KIZ: variants seen among roughly 807,000 people sequenced by gnomAD.
KIZ encodes the protein centrosomal protein kizuna.
KIZ carries 68 observed loss-of-function variants against 79.6 expected under a neutral mutation model. The ratio of observed to expected loss-of-function variants is 0.85; its 90% CI spans 0.70 to 1.05. KIZ has a LOEUF of 1.05. Among genes scored for constraint, KIZ ranks in the 50% least tolerant of loss-of-function variants. KIZ has a pLI of 0.00. For synonymous variants in KIZ, 280 were observed against 281.8 expected (o/e 0.99, Z 0.06); for missense variants, 797 against 800.4 (o/e 1.00, Z 0.05).
At chr20:21,143,012 A>G (rs887256566) in intron 3 of KIZ, among the ~76,000 whole-genome samples, 7 of 152,156 alleles carry the variant, frequency 4.6e-5, no homozygotes, top group Non-Finnish European at 7.3e-5. Context: ...TTTATCAACC[A>G]AAGTGTCTTG....
At chr20:21,238,330 G>GGT (rs11087348) in intron 11 of KIZ, among the ~76,000 whole-genome samples, 87,714 of 150,038 alleles carry the variant, frequency 0.58, 26,776 homozygotes, top group South Asian at 0.78. Context: ...TCTGCATAAG[G>GGT]GTGTGAGAGA....
At chr20:21,165,355 A>G (rs1040683167) in intron 6 of KIZ, among the ~76,000 whole-genome samples, 1 of 148,034 alleles carries the variant, frequency 6.8e-6, no homozygotes, top group Non-Finnish European at 1.5e-5. Flanking sequence ...CAGAGAACAC[A>G]GAGGACATGG....
At position 21,162,986 on chromosome 20, in the gene KIZ, A is replaced by G; in HGVS notation, c.1179A>G (p.Glu393=). ...ATGATCTGATTTTAGAGAGCCCAGA[A>G]CCACAGCCAAATCCAGGTGGCAAGA... ...SEDDLILESP[E]PQPNPGGKME... Residue 393 remains glutamate (E), a synonymous_variant, in exon 6 of 13, where the codon GAA becomes GAG. Transcript: ENST00000619189. 3 of 1,613,942 alleles carry G rather than the reference A, an allele frequency of 1.9e-6. No individual in the cohort carries two copies. Among genetic ancestry groups the G allele is most frequent in the Non-Finnish European group, 2.5e-6 (3 of 1,179,866 alleles).
At position 21,214,729 on chromosome 20, in the gene KIZ, G is replaced by A. The variant is rs2036218303; in HGVS notation, c.1612+29G>A. The A allele has an allele frequency of 2.7e-6, 4 of 1,492,132 alleles. No individual in the cohort carries two copies. In the East Asian group the frequency reaches 6.8e-5, roughly 25 times the overall value. 92.4% of individuals were successfully genotyped at this position (1,492,132 alleles called of 1,614,324 possible). ...ACTATTGTTAAAGTGTGTGTCCACA[G>A]CAAAAAGGCATTCAGGGTCATCATC... On this transcript the variant is annotated intron_variant, in intron 8 of 12. Coordinates refer to ENST00000619189, the MANE Select transcript of KIZ (RefSeq NM_018474.6).
In KIZ at chr20:21,136,635, G is replaced by T. The variant is rs144478102; in HGVS notation, c.315+83G>T. On this transcript the variant is annotated intron_variant, in intron 3 of 12. Transcript: ENST00000619189. ...TTTCTTCAAGATGAGACCTCACTGT[G>T]TTACCCAGGCTAGACTTGAACACCT... 67 of 994,682 alleles carry T rather than the reference G, an allele frequency of 6.7e-5. 1 individual carries two copies. The highest frequency in any genetic ancestry group is 6.2e-4 in the East Asian group (23 of 37,032). 61.6% of individuals were successfully genotyped at this position (994,682 alleles called of 1,614,324 possible). A position where few individuals can be genotyped will look rare whatever the true frequency, so the allele number is the denominator to read the frequency against.
chr20:21,172,439 CA>C (rs1672011608), intron 6 of KIZ, among the ~76,000 whole-genome samples: 1 of 151,724 alleles, frequency 6.6e-6, no homozygotes, highest in South Asian at 2.1e-4. Flanking sequence ...CTCGTCTCTA[CA>C]AAAGATGCAA....
In KIZ at chr20:21,175,796, C is replaced by T. The variant is rs557921594; in HGVS notation, c.1352+12637C>T. On this transcript the variant is annotated intron_variant, in intron 6 of 12. Transcript: ENST00000619189. ...TTGGGAGGCTGAGGCAGGCATATCA[C>T]TTGTGGTCAGGAGTTTGAGACCAGC... Among the ~76,000 whole-genome samples the T allele has an allele frequency of 5.3e-5, 8 of 152,294 alleles. No homozygotes were observed. The East Asian group carries it at 1.5e-3, about 29-fold the overall frequency.
intron 6 of KIZ, among the ~76,000 whole-genome samples, chr20:21,166,036 G>A (rs1166118942): frequency 6.6e-6 from 1 of 151,888 alleles, no homozygotes; most frequent in Admixed American, 6.6e-5. Context: ...GCGCAACCTC[G>A]GCTCACTGCA....
At chr20:21,168,002 T>C (rs1228120272) in intron 6 of KIZ, among the ~76,000 whole-genome samples, 1 of 152,170 alleles carries the variant, frequency 6.6e-6, no homozygotes, top group African/African-American at 2.4e-5. Flanking sequence ...ACATGTGCCA[T>C]GTTGTTGTGC....
chr20:21,205,445 T>A (rs746549660), intron 6 of KIZ, 46 bp from the exon 7 acceptor site: 1 of 784,388 alleles, frequency 1.3e-6, no homozygotes, highest in South Asian at 1.7e-5. Flanking sequence ...GTGGGAATCT[T>A]ATAATATTAC....
chr20:21,143,608 G>C (rs1459669485), intron 3 of KIZ, among the ~76,000 whole-genome samples: 1 of 152,118 alleles, frequency 6.6e-6, no homozygotes, highest in African/African-American at 2.4e-5. Context: ...AATTTAGGTG[G>C]GCAGCATCAA....
chr20:21,138,704 G>T (rs1001293342), intron 3 of KIZ, among the ~76,000 whole-genome samples: 1 of 151,896 alleles, frequency 6.6e-6, no homozygotes, highest in African/African-American at 2.4e-5. Context: ...TTGCATATTA[G>T]TAACTCATCT....
At chr20:21,129,633 A>G (rs2031709155) in intron 1 of KIZ, among the ~76,000 whole-genome samples, 1 of 151,918 alleles carries the variant, frequency 6.6e-6, no homozygotes, top group African/African-American at 2.4e-5. Flanking sequence ...TACTTGGGAA[A>G]CTGAAACAGA....
At chr20:21,143,856 G>A (rs1047537689) in intron 3 of KIZ, among the ~76,000 whole-genome samples, 2 of 152,120 alleles carry the variant, frequency 1.3e-5, no homozygotes, top group East Asian at 3.9e-4. Context: ...ACCAGGTGTT[G>A]TATGCAAAAA....
rs545316839 is a variant in KIZ, at chr20:21,162,779, A to C, written c.1043-71A>C. On this transcript the variant is annotated intron_variant, in intron 5 of 12. Coordinates refer to ENST00000619189, the MANE Select transcript of KIZ (RefSeq NM_018474.6). ...TCTCCATGTTTTTAACTGATGAGTAATTCTGCTGTGTGTTACCTTGCTTCC... is the reference window on the plus strand; with the variant it reads ...TCTCCATGTTTTTAACTGATGAGTACTTCTGCTGTGTGTTACCTTGCTTCC... The C allele has an allele frequency of 1.9e-5, 24 of 1,233,728 alleles. No homozygotes were observed. The South Asian group carries it at 3.4e-4, about 18-fold the overall frequency. 76.4% of individuals were successfully genotyped at this position (1,233,728 alleles called of 1,614,324 possible).
chr20:21,240,070 G>A (rs2037162660), intron 11 of KIZ, among the ~76,000 whole-genome samples: 1 of 152,066 alleles, frequency 6.6e-6, no homozygotes, highest in Admixed American at 6.6e-5. Context: ...AAAGCTACTG[G>A]GAAATTCTGC....
At chr20:21,168,028 G>A (rs543659653) in intron 6 of KIZ, among the ~76,000 whole-genome samples, 13 of 152,036 alleles carry the variant, frequency 8.6e-5, no homozygotes, top group East Asian at 5.8e-4. Flanking sequence ...CCAGTAACTC[G>A]TCATTTAACA....
chr20:21,156,950 TG>T (rs752264440), intron 4 of KIZ, among the ~76,000 whole-genome samples: 4 of 152,190 alleles, frequency 2.6e-5, no homozygotes, highest in Non-Finnish European at 5.9e-5. Flanking sequence ...GCAATGTTTC[TG>T]TAAGTGTAAA....
intron 9 of KIZ, among the ~76,000 whole-genome samples, chr20:21,219,021 A>G (rs1427773836): frequency 2.0e-5 from 3 of 152,210 alleles, no homozygotes; most frequent in Non-Finnish European, 2.9e-5. Flanking sequence ...CAGAAGAAGT[A>G]TAAGAGAAGA....
Sources: allele counts gnomAD v4.1 joint callset (sites outside exome capture counted in the v4.1 genomes callset), GRCh38; gene constraint gnomAD v4.1.1; transcripts MANE v1.5; gene names NCBI Gene and HGNC (gene_info 2026-07-23, HGNC 2026-07-21).